GLIS3: variants seen among roughly 807,000 people sequenced by gnomAD.
GLIS3 encodes GLIS family zinc finger 3.
In GLIS3, 53 loss-of-function variants were observed where a neutral mutation model predicts 78.6. The observed-to-expected ratio is 0.67, with a 90% confidence interval of 0.54 to 0.85. GLIS3 has a LOEUF of 0.85. GLIS3 is among the 40% of genes least tolerant of loss of function. The pLI is 0.00. For missense variants in GLIS3, 1,703 were observed against 1,231.1 expected (o/e 1.38, Z -5.74); for synonymous variants, 684 against 509.9 (o/e 1.34, Z -4.60).
chr9:3,833,330 C>A (rs1391867508), intron 9 of GLIS3, among the ~76,000 whole-genome samples: 1 of 152,192 alleles, frequency 6.6e-6, no homozygotes, highest in Non-Finnish European at 1.5e-5. Flanking sequence ...CTCTTCCCAG[C>A]ACTATTTTCA....
chr9:4,463,762 TAC>T, the GLIS3 span, among the ~76,000 whole-genome samples: 1 of 152,212 alleles, frequency 6.6e-6, no homozygotes, highest in African/African-American at 2.4e-5. Context: ...CTTCCTACTT[TAC>T]ACAGTTTTCT....
upstream of GLIS3, among the ~76,000 whole-genome samples, chr9:4,350,428 C>T (rs1035377493): frequency 6.6e-6 from 1 of 152,162 alleles, no homozygotes; most frequent in Non-Finnish European, 1.5e-5. Context: ...AAACAATTGA[C>T]ACAAATGGAA....
At chr9:4,103,560 A>C (rs10974336) in intron 4 of GLIS3, among the ~76,000 whole-genome samples, 38,160 of 152,084 alleles carry the variant, frequency 0.25, 4,951 homozygotes, top group Middle Eastern at 0.36. Context: ...TCAACACACA[A>C]TGACCAAGAA....
At chr9:4,446,029 T>A in the GLIS3 span, among the ~76,000 whole-genome samples, 2 of 152,234 alleles carry the variant, frequency 1.3e-5, no homozygotes, top group Non-Finnish European at 2.9e-5. Context: ...TCCCAATTTT[T>A]AAATTATATT....
intron 1 of GLIS3, among the ~76,000 whole-genome samples, chr9:4,291,181 T>G (rs1436535445): frequency 6.6e-6 from 1 of 152,148 alleles, no homozygotes; most frequent in African/African-American, 2.4e-5. Flanking sequence ...ATATTTATTC[T>G]GAACACCAAG....
At chr9:4,245,819 G>C (rs1008107629) in intron 2 of GLIS3, among the ~76,000 whole-genome samples, 5 of 152,168 alleles carry the variant, frequency 3.3e-5, no homozygotes, top group African/African-American at 7.2e-5. Context: ...GCCCTGTATT[G>C]ATGCAAGGTT....
chr9:4,136,223 G>A lies in GLIS3; in HGVS notation c.389-10282C>T, dbSNP rs773155229. 7.2e-5 allele frequency among the ~76,000 whole-genome samples: 11 copies of A among 152,248 alleles called. No individual in the cohort carries two copies. The East Asian group carries it at 9.7e-4, about 13-fold the overall frequency. ...AAGATATACTCACCTAGGAACAATC[G>A]GATAATGTCGCTAGACTGTACAGTA... On this transcript the variant is annotated intron_variant, in intron 2 of 10. Coordinates refer to ENST00000381971, the MANE Select transcript of GLIS3 (RefSeq NM_001042413.2).
At chr9:4,332,130 G>C (rs1817696450) in intron 2 of GLIS3, among the ~76,000 whole-genome samples, 1 of 152,190 alleles carries the variant, frequency 6.6e-6, no homozygotes, top group Non-Finnish European at 1.5e-5. Context: ...TCTGGTTGAA[G>C]TTCTGCAAAT....
At chr9:3,844,054 A>G (rs886085376) in intron 9 of GLIS3, among the ~76,000 whole-genome samples, 1 of 152,234 alleles carries the variant, frequency 6.6e-6, no homozygotes, top group Admixed American at 6.5e-5. Flanking sequence ...AGCACTCACA[A>G]TTCTACGTAA....
chr9:4,130,521 C>T (rs1832897630), intron 2 of GLIS3, among the ~76,000 whole-genome samples: 2 of 152,228 alleles, frequency 1.3e-5, no homozygotes, highest in Admixed American at 1.3e-4. Flanking sequence ...CCAGTCTTGG[C>T]TCAAAGGGGC....
chr9:4,227,852 G>T (rs1821909070), intron 2 of GLIS3, among the ~76,000 whole-genome samples: 1 of 152,210 alleles, frequency 6.6e-6, no homozygotes. Flanking sequence ...AGAATGAAAT[G>T]TTCTTCACTT....
At chr9:4,038,154 T>G (rs916191692) in intron 4 of GLIS3, among the ~76,000 whole-genome samples, 5 of 152,226 alleles carry the variant, frequency 3.3e-5, no homozygotes, top group African/African-American at 1.2e-4. Context: ...ATTTTGTCAC[T>G]CTTGGATTAA....
chr9:4,433,926 C>G, the GLIS3 span, among the ~76,000 whole-genome samples: 1 of 152,090 alleles, frequency 6.6e-6, no homozygotes, highest in Admixed American at 6.5e-5. Context: ...GAAACCCCAT[C>G]TCTACTAAAA....
the GLIS3 span, among the ~76,000 whole-genome samples, chr9:4,429,163 A>G: frequency 6.6e-6 from 1 of 152,150 alleles, no homozygotes; most frequent in African/African-American, 2.4e-5. Flanking sequence ...TCCTCACTCC[A>G]GATAGAGTTA....
At chr9:4,132,379 T>G (rs1388971737) in intron 2 of GLIS3, among the ~76,000 whole-genome samples, 2 of 152,170 alleles carry the variant, frequency 1.3e-5, no homozygotes, top group African/African-American at 2.4e-5. Context: ...AATGTCTTCA[T>G]TAGTTAAAAG....
At chr9:4,285,973 G>C (rs755285444) in intron 2 of GLIS3, 65 bp downstream of exon 2, 1 of 1,588,954 alleles carries the variant, frequency 6.3e-7, no homozygotes, top group Non-Finnish European at 8.6e-7. Flanking sequence ...TTTGCTGGCA[G>C]AAAATGGGAT....
chr9:4,103,444 G>A (rs532255578), intron 4 of GLIS3, among the ~76,000 whole-genome samples: 4 of 152,150 alleles, frequency 2.6e-5, no homozygotes, highest in African/African-American at 4.8e-5. Context: ...CAGGGAACAC[G>A]AGATACCACC....
chr9:4,236,542 G>A (rs1421908610), intron 2 of GLIS3, among the ~76,000 whole-genome samples: 1 of 152,040 alleles, frequency 6.6e-6, no homozygotes, highest in Non-Finnish European at 1.5e-5. Flanking sequence ...GTAAGCTGTA[G>A]AGGCATACCT....
chr9:3,905,494 T>A (rs904877112), intron 6 of GLIS3, among the ~76,000 whole-genome samples: 4 of 152,266 alleles, frequency 2.6e-5, no homozygotes, highest in Admixed American at 2.0e-4. Flanking sequence ...TTCTGTTTGG[T>A]TTTCACTGTC....
Sources: allele counts gnomAD v4.1 joint callset (sites outside exome capture counted in the v4.1 genomes callset), GRCh38; gene constraint gnomAD v4.1.1; transcripts MANE v1.5; gene names NCBI Gene and HGNC (gene_info 2026-07-23, HGNC 2026-07-21).